The following BTBD3 variants were observed in gnomAD, a reference collection of about 807,000 sequenced individuals.
BTBD3 encodes BTB/POZ domain-containing protein 3.
A neutral mutation model predicts 41.6 loss-of-function variants in BTBD3; 14 were observed. The ratio of observed to expected loss-of-function variants is 0.34; its 90% CI spans 0.22 to 0.53. The LOEUF (loss-of-function observed/expected upper bound fraction) is 0.53, where lower values mean the gene tolerates loss of function less well. Among genes scored for constraint, BTBD3 ranks in the 20% least tolerant of loss-of-function variants. BTBD3 has a pLI of 0.95. For synonymous variants in BTBD3, 249 were observed against 233.7 expected (o/e 1.07, Z -0.60); for missense variants, 426 against 654.7 (o/e 0.65, Z 3.81).
At chr20:11,901,237 C>T (rs77099456) in intron 1 of BTBD3, among the ~76,000 whole-genome samples, 191 of 152,318 alleles carry the variant, frequency 1.3e-3, no homozygotes, top group Non-Finnish European at 2.2e-3. Context: ...AGCACCTCCC[C>T]GCTCTACCAC....
intron 1 of BTBD3, among the ~76,000 whole-genome samples, chr20:11,900,746 C>T (rs1400806248): frequency 4.1e-5 from 6 of 145,272 alleles, no homozygotes; most frequent in South Asian, 2.2e-4. Context: ...GTGGCTCTGT[C>T]GCCCAGGCTG....
intron 1 of BTBD3, among the ~76,000 whole-genome samples, chr20:11,898,513 T>C (rs555467782): frequency 6.6e-6 from 1 of 152,204 alleles, no homozygotes; most frequent in African/African-American, 2.4e-5. Context: ...AGTTACTATT[T>C]ATTTGTCTAT....
At chr20:11,897,906 C>A (rs1170944462) in intron 1 of BTBD3, among the ~76,000 whole-genome samples, 1 of 152,148 alleles carries the variant, frequency 6.6e-6, no homozygotes, top group Non-Finnish European at 1.5e-5. Context: ...CGCCTGTAAT[C>A]CAGCACTTTG....
At chr20:11,904,875 T>C (rs561718558) in intron 1 of BTBD3, among the ~76,000 whole-genome samples, 4 of 152,358 alleles carry the variant, frequency 2.6e-5, no homozygotes, top group African/African-American at 9.6e-5. Context: ...TTTTGTACTC[T>C]TGTTATACTT....
At chr20:11,896,175 G>T (rs998134674) in intron 1 of BTBD3, among the ~76,000 whole-genome samples, 1 of 152,160 alleles carries the variant, frequency 6.6e-6, no homozygotes, top group African/African-American at 2.4e-5. Flanking sequence ...GGTCATGAAA[G>T]ATTATTCATG....
chr20:11,921,381 G>C (rs1402337464), intron 3 of BTBD3, among the ~76,000 whole-genome samples: 1 of 152,216 alleles, frequency 6.6e-6, no homozygotes, highest in African/African-American at 2.4e-5. Flanking sequence ...TCAGAAATGA[G>C]TCAGGTGCCA....
chr20:11,892,857 A>G (rs1009801232), intron 1 of BTBD3, among the ~76,000 whole-genome samples: 11 of 152,138 alleles, frequency 7.2e-5, no homozygotes, highest in Admixed American at 2.0e-4. Context: ...TGTGCGGAAA[A>G]ACTTTTGATA....
In BTBD3 at chr20:11,906,082, A is replaced by G. The variant is rs146605937; in HGVS notation, c.-125-12252A>G. On this transcript the variant is annotated intron_variant, in intron 1 of 4. Coordinates refer to the BTBD3 transcript ENST00000254977. ...ATTTATTTATTTATTTATTTTGGCC[A>G]ACACAAATCTCAAAACTATGACTTT... Among the ~76,000 whole-genome samples, 1,248 of 152,102 alleles carry G rather than the reference A, an allele frequency of 8.2e-3. 11 individuals are homozygous for G. The highest frequency in any genetic ancestry group is 0.044 in the Middle Eastern group (13 of 294).
chr20:11,914,282 T>C (rs2056905286), upstream of BTBD3, among the ~76,000 whole-genome samples: 1 of 152,212 alleles, frequency 6.6e-6, no homozygotes, highest in South Asian at 2.1e-4. Context: ...AAGCCATAAT[T>C]TGTATTTAAT....
chr20:11,904,731 T>A (rs896961224), intron 1 of BTBD3, among the ~76,000 whole-genome samples: 1 of 152,216 alleles, frequency 6.6e-6, no homozygotes, highest in African/African-American at 2.4e-5. Flanking sequence ...CTCAAACAGA[T>A]GTATAGCTGG....
At chr20:11,896,110 T>G (rs2056785420) in intron 1 of BTBD3, among the ~76,000 whole-genome samples, 1 of 152,240 alleles carries the variant, frequency 6.6e-6, no homozygotes, top group Non-Finnish European at 1.5e-5. Flanking sequence ...CCGGATCATG[T>G]TACATTTTGT....
exon 1 of BTBD3, chr20:11,890,937 C>T: frequency 1.0e-6 from 1 of 984,418 alleles, no homozygotes; most frequent in Non-Finnish European, 1.2e-6. Context: ...TCGCCCGAGG[C>T]GAGGAGGAGC....
chr20:11,891,058 A>C, intron 1 of BTBD3: 2 of 820,052 alleles, frequency 2.4e-6, no homozygotes, highest in Non-Finnish European at 2.9e-6. Context: ...GGAGGGGCCG[A>C]GCGAAGCGAG....
upstream of BTBD3, chr20:11,913,271 G>C (rs1273451236): frequency 6.6e-6 from 1 of 152,176 alleles, no homozygotes; most frequent in African/African-American, 2.4e-5. Flanking sequence ...TGACATAGAA[G>C]TTGGTGTTAA....
At chr20:11,922,601 A>G in intron 3 of BTBD3, 33 bp from the exon 4 acceptor site, 1 of 1,561,420 alleles carries the variant, frequency 6.4e-7, no homozygotes. Context: ...CATTTTGTGA[A>G]AATTCCACTT....
rs1321928540 is a variant in BTBD3, at chr20:11,918,168, T to TA, written c.-107dup. 6.7e-7 allele frequency: 1 copy of TA among 1,484,440 alleles called. No individual in the cohort carries two copies. The highest frequency in any genetic ancestry group is 1.4e-5 in the African/African-American group (1 of 71,334). 92.0% of individuals were successfully genotyped at this position (1,484,440 alleles called of 1,614,324 possible). ...TGCCTGGCTGAGAAAAGCAGCAAAA[T>TA]ATCAGCTTTGTTGGTTTCAGTTAAC... On this transcript the variant is annotated 5_prime_UTR_variant, in exon 1 of 4. Transcript: ENST00000378226.
intron 1 of BTBD3, among the ~76,000 whole-genome samples, chr20:11,906,254 CTTTTTTTTTTTT>C (rs3071747): frequency 4.7e-4 from 17 of 36,194 alleles, no homozygotes; most frequent in East Asian, 2.4e-3. Flanking sequence ...ATTATTACTC[CTTTTTTTTTTTT>C]TTTTTTTTTT....
chr20:11,909,742 A>G (rs1258692829), intron 1 of BTBD3: 1 of 152,248 alleles, frequency 6.6e-6, no homozygotes, highest in Non-Finnish European at 1.5e-5. Flanking sequence ...TGAAATTGTA[A>G]CTGGTCTTTT....
Position 11,923,497 on chromosome 20 carries a change from A to G in BTBD3, c.1400A>G (p.Tyr467Cys). The change falls in exon 4 of 4, where the codon TAC (tyrosine) becomes TGC (cysteine). Residue 467 changes from tyrosine (Y) to cysteine (C), a missense_variant. Transcript: ENST00000378226. This position sits in a 1 kb window ranked among gnomAD's most constrained non-coding sequence, Gnocchi z 5.3. ...GTGCAGATCGAGCCAGACACCTTCT[A>G]CACAGCCAGTGTGATACTGGATGGC... Reference protein sequence around the residue: ...YPVQIEPDTFYTASVILDGNE... With the variant: ...YPVQIEPDTFCTASVILDGNE... The G allele has an allele frequency of 6.2e-7, 1 of 1,613,818 alleles. No homozygotes were observed. Among genetic ancestry groups the G allele is most frequent in the Non-Finnish European group, 8.5e-7 (1 of 1,179,934 alleles).
Sources: gnomAD v4.1 joint callset for allele counts (sites outside exome capture counted in the v4.1 genomes callset) on GRCh38, gnomAD v4.1.1 for gene constraint, Gnocchi (gnomAD v3.1) non-coding constraint, MANE v1.5 for transcripts, NCBI Gene and HGNC (gene_info 2026-07-23, HGNC 2026-07-21) for gene names.